Variants in PARD3B observed in about 807,000 individuals in gnomAD.
PARD3B encodes par-3 family cell polarity regulator beta.
A neutral mutation model predicts 130.2 loss-of-function variants in PARD3B; 103 were observed. The ratio of observed to expected loss-of-function variants is 0.79; its 90% CI spans 0.67 to 0.93. The LOEUF is 0.93. PARD3B is among the 40% of genes least tolerant of loss of function. The probability of loss-of-function intolerance (pLI) is 0.00; values close to 1 mark genes in which losing one functional copy is unlikely to be tolerated. For missense variants in PARD3B, 1,609 were observed against 1,499.2 expected (o/e 1.07, Z -1.21); for synonymous variants, 583 against 553.2 (o/e 1.05, Z -0.76).
chr2:205,283,077 A>C (rs1159142423), intron 16 of PARD3B, among the ~76,000 whole-genome samples: 2 of 152,338 alleles, frequency 1.3e-5, no homozygotes, highest in East Asian at 3.9e-4. Context: ...CAGAGTAAGA[A>C]AGTGTATAAA....
In PARD3B at chr2:204,678,409, CG is replaced by C. The variant is rs772031721; in HGVS notation, c.121-7769del. ...ACATATACCCTGCCCTCTTGGTACCCGGGTTCTTGTCTGGCATCCAGGAAGA... is the reference window on the plus strand; with the variant it reads ...ACATATACCCTGCCCTCTTGGTACCCGGTTCTTGTCTGGCATCCAGGAAGA... On this transcript the variant is annotated intron_variant, in intron 1 of 22. Transcript: ENST00000406610. This position sits in a 1 kb window ranked among gnomAD's most constrained non-coding sequence, Gnocchi z 4.2. Among the ~76,000 whole-genome samples, 97 of 152,042 alleles carry C rather than the reference CG, an allele frequency of 6.4e-4. No homozygotes were observed. Among genetic ancestry groups the C allele is most frequent in the Non-Finnish European group, 1.1e-3 (73 of 68,006 alleles).
At chr2:205,401,754 G>T (rs116510722) in intron 19 of PARD3B, among the ~76,000 whole-genome samples, 1 of 152,108 alleles carries the variant, frequency 6.6e-6, no homozygotes, top group Non-Finnish European at 1.5e-5. Context: ...GGCACTTATC[G>T]CAAGTGGATG....
Position 204,847,866 on chromosome 2 carries a change from A to G in PARD3B, c.223-117286A>G, listed in dbSNP as rs565339170. ...GAAAACATCGTATGCTGAGGTTGCT[A>G]AGATCTGTCACAAGAAGGAATCTTC... On this transcript the variant is annotated intron_variant, in intron 2 of 22. Transcript: ENST00000406610. 2.0e-5 allele frequency among the ~76,000 whole-genome samples: 3 copies of G among 152,336 alleles called. No homozygotes were observed. In the South Asian group the frequency reaches 6.2e-4, roughly 32 times the overall value.
At chr2:205,310,382 A>G (rs1416097681) in intron 18 of PARD3B, among the ~76,000 whole-genome samples, 1 of 152,082 alleles carries the variant, frequency 6.6e-6, no homozygotes, top group African/African-American at 2.4e-5. Context: ...GCAAGTTTCA[A>G]GTACAAGACA....
Position 205,321,479 on chromosome 2 carries a change from CCT to C in PARD3B, c.2630+19792_2630+19793del, listed in dbSNP as rs151064430. ...TTCTCTCTCTTCCTCTCTCTCTTTC[CCT>C]CTCTCTCTCTCTCCCCCCGCCCATA... On this transcript the variant is annotated intron_variant, in intron 18 of 22. Transcript: ENST00000406610. The surrounding 1 kb of genome is among the most constrained non-coding windows in gnomAD (Gnocchi z 4.2). Among the ~76,000 whole-genome samples the C allele has an allele frequency of 2.7e-5, 4 of 149,446 alleles. No homozygotes were observed. Among genetic ancestry groups the C allele is most frequent in the South Asian group, 2.1e-4 (1 of 4,686 alleles).
chr2:204,745,153 C>T (rs1051545690), intron 2 of PARD3B, among the ~76,000 whole-genome samples: 3 of 152,066 alleles, frequency 2.0e-5, no homozygotes, highest in African/African-American at 4.8e-5. Flanking sequence ...ATTCCAGAAT[C>T]GATGATGTTG....
At chr2:205,574,470 G>T (rs544742529) in intron 22 of PARD3B, among the ~76,000 whole-genome samples, 1 of 152,150 alleles carries the variant, frequency 6.6e-6, no homozygotes, top group Non-Finnish European at 1.5e-5. Context: ...GCAGCTGGAC[G>T]TGTTTGTTAA....
chr2:204,863,815 CTT>C (rs370897225), intron 2 of PARD3B, among the ~76,000 whole-genome samples: 5 of 152,310 alleles, frequency 3.3e-5, no homozygotes, highest in Non-Finnish European at 5.9e-5. Context: ...CCAAATAAGT[CTT>C]TGACTTTTCC....
rs1441604844 is a variant in PARD3B at position 204,845,480 on chromosome 2, T to C, written c.223-119672T>C. The stretch of plus-strand genomic sequence containing the variant: ...TTTAATATTTTATAGATTTTACTCA[T>C]AGAGTAAAAATTACATTGTTAGATA... On this transcript the variant is annotated intron_variant, in intron 2 of 22. Coordinates refer to ENST00000406610, the MANE Select transcript of PARD3B (RefSeq NM_001302769.2). Among the ~76,000 whole-genome samples, 6 of 152,152 alleles carry C rather than the reference T, an allele frequency of 3.9e-5. No individual in the cohort carries two copies. In the East Asian group the frequency reaches 1.2e-3, roughly 29 times the overall value.
intron 3 of PARD3B, among the ~76,000 whole-genome samples, chr2:204,971,438 G>C (rs938132989): frequency 6.6e-6 from 1 of 152,208 alleles, no homozygotes; most frequent in Non-Finnish European, 1.5e-5. Context: ...GCTCTTTGCT[G>C]TAGGCTGTGA....
rs1238850753 is a variant in PARD3B at position 205,558,668 on chromosome 2, C to A, written c.3260+5265C>A. On this transcript the variant is annotated intron_variant, in intron 22 of 22. Coordinates refer to ENST00000406610, the MANE Select transcript of PARD3B (RefSeq NM_001302769.2). This position sits in a 1 kb window ranked among gnomAD's most constrained non-coding sequence, Gnocchi z 4.8. The stretch of plus-strand genomic sequence containing the variant: ...TCCCGCCTTTTGCTCCACATGGATT[C>A]TCTCTGTGCCGTCTCCTCCATTCCT... 6.6e-6 allele frequency among the ~76,000 whole-genome samples: 1 copy of A among 152,186 alleles called. No individual in the cohort carries two copies. Among genetic ancestry groups the A allele is most frequent in the Non-Finnish European group, 1.5e-5 (1 of 68,034 alleles).
rs1185371023 is a variant in PARD3B at position 205,244,937 on chromosome 2, G to T, written c.2141-841G>T. ...AACTTCGGATGCTGTTCCTCTTCCA[G>T]TTTGGAATGGTTCTTTGCCAACTCT... On this transcript the variant is annotated intron_variant, in intron 15 of 22. Coordinates refer to ENST00000406610, the MANE Select transcript of PARD3B (RefSeq NM_001302769.2). The surrounding 1 kb of genome is among the most constrained non-coding windows in gnomAD (Gnocchi z 4.7). Among the ~76,000 whole-genome samples the T allele has an allele frequency of 6.6e-6, 1 of 152,154 alleles. No individual in the cohort carries two copies. The highest frequency in any genetic ancestry group is 1.9e-4 in the East Asian group (1 of 5,194).
chr2:204,672,779 G>A (rs1450736887), intron 1 of PARD3B, among the ~76,000 whole-genome samples: 1 of 152,140 alleles, frequency 6.6e-6, no homozygotes, highest in Non-Finnish European at 1.5e-5. Flanking sequence ...CAAGCCCAGA[G>A]GGTCTCTTTG....
chr2:205,239,679 T>A (rs755802368), intron 15 of PARD3B, among the ~76,000 whole-genome samples: 75 of 152,346 alleles, frequency 4.9e-4, no homozygotes, highest in Non-Finnish European at 8.2e-4. Flanking sequence ...ACTGAAGAGT[T>A]GTGAACATAT....
chr2:205,320,768 A>G (rs2105963885), intron 18 of PARD3B, among the ~76,000 whole-genome samples: 1 of 152,332 alleles, frequency 6.6e-6, no homozygotes, highest in Non-Finnish European at 1.5e-5. Context: ...ACAGCCATTC[A>G]TTTAAGCTGT....
In PARD3B at chr2:205,463,136, T is replaced by C. The variant is rs1253119991; in HGVS notation, c.3044+22464T>C. On this transcript the variant is annotated intron_variant, in intron 20 of 22. Coordinates refer to ENST00000406610, the MANE Select transcript of PARD3B (RefSeq NM_001302769.2). The surrounding 1 kb of genome is among the most constrained non-coding windows in gnomAD (Gnocchi z 4.8). Reference sequence around the variant, plus strand: ...TTTGAACTGACTCACCTAATTGGGGTCAACCACTGAAAAAAAATGTGTTGC... The same window carrying C: ...TTTGAACTGACTCACCTAATTGGGGCCAACCACTGAAAAAAAATGTGTTGC... 2.0e-5 allele frequency among the ~76,000 whole-genome samples: 3 copies of C among 152,134 alleles called. No individual in the cohort carries two copies. The highest frequency in any genetic ancestry group is 2.1e-4 in the South Asian group (1 of 4,822).
chr2:204,941,310 G>A (rs1688883303), intron 2 of PARD3B, among the ~76,000 whole-genome samples: 1 of 152,124 alleles, frequency 6.6e-6, no homozygotes, highest in Non-Finnish European at 1.5e-5. Flanking sequence ...GAAGGCGGAG[G>A]TTGCAGTGAG....
At chr2:204,860,723 A>G (rs1158930539) in intron 2 of PARD3B, among the ~76,000 whole-genome samples, 2 of 152,190 alleles carry the variant, frequency 1.3e-5, no homozygotes, top group East Asian at 1.9e-4. Flanking sequence ...TAAACCAACT[A>G]TGCTGACTGA....
rs1233393781 is a variant in PARD3B, at chr2:205,158,054, G to T, written c.1435-668G>T. On this transcript the variant is annotated intron_variant, in intron 10 of 22. Transcript: ENST00000406610. This position sits in a 1 kb window ranked among gnomAD's most constrained non-coding sequence, Gnocchi z 5.4. ...GTTGTGCATAATCATTTTTGTTTAG[G>T]TTTAAAAATTTAATGGCAGTGAGTT... Among the ~76,000 whole-genome samples the T allele has an allele frequency of 1.3e-5, 2 of 152,092 alleles. No individual in the cohort carries two copies. The highest frequency in any genetic ancestry group is 4.8e-5 in the African/African-American group (2 of 41,414).
Sources: gnomAD v4.1 joint callset for allele counts (sites outside exome capture counted in the v4.1 genomes callset) on GRCh38, gnomAD v4.1.1 for gene constraint, Gnocchi (gnomAD v3.1) non-coding constraint, MANE v1.5 for transcripts, NCBI Gene and HGNC (gene_info 2026-07-23, HGNC 2026-07-21) for gene names.